TMEM217: variants seen among roughly 807,000 people sequenced by gnomAD.
TMEM217 encodes the protein chromosome 6 open reading frame 128.
For synonymous variants in TMEM217, 76 were observed against 88.3 expected (o/e 0.86, Z 0.78); for missense variants, 204 against 248.8 (o/e 0.82, Z 1.21).
intron 1 of TMEM217, among the ~76,000 whole-genome samples, chr6:37,255,686 A>T (rs1765678755): frequency 6.6e-6 from 1 of 151,108 alleles, no homozygotes; most frequent in Admixed American, 6.6e-5. Flanking sequence ...CTGGTCTCAA[A>T]AAAAAAAAAA....
intron 1 of TMEM217, among the ~76,000 whole-genome samples, chr6:37,252,637 ATTTTTT>A (rs374265453): frequency 0.073 from 5,153 of 70,802 alleles, 141 homozygotes; most frequent in Middle Eastern, 0.14. Flanking sequence ...ATATATATAT[ATTTTTT>A]TTTTTTTTTT....
chr6:37,222,758 C>G (rs1460716583), intron 1 of TMEM217, among the ~76,000 whole-genome samples: 1 of 152,208 alleles, frequency 6.6e-6, no homozygotes, highest in African/African-American at 2.4e-5. Flanking sequence ...GAGGTGGGGT[C>G]TACGGCTTTG....
At chr6:37,254,828 C>T (rs1270117773) in intron 1 of TMEM217, among the ~76,000 whole-genome samples, 1 of 152,036 alleles carries the variant, frequency 6.6e-6, no homozygotes, top group Admixed American at 6.6e-5. Flanking sequence ...GCACCTGGGA[C>T]CAGTTTCAGG....
intron 1 of TMEM217, among the ~76,000 whole-genome samples, chr6:37,253,430 C>A (rs1280638097): frequency 6.6e-6 from 1 of 152,126 alleles, no homozygotes; most frequent in African/African-American, 2.4e-5. Flanking sequence ...TAAAAACTTT[C>A]TCTTCCTCTC....
chr6:37,218,067 GA>G lies in TMEM217; in HGVS notation c.*354del, dbSNP rs986278766. The G allele has an allele frequency of 3.7e-4, 373 of 1,004,852 alleles. 1 individual carries two copies. In the African/African-American group the frequency reaches 5.7e-3, roughly 15 times the overall value. 62.2% of individuals were successfully genotyped at this position (1,004,852 alleles called of 1,614,324 possible). The stretch of plus-strand genomic sequence containing the variant: ...CAGAACTGCTAAGCAAAAGTGGGGG[GA>G]AAAAAGGAAATAGAACTACCCTGGG... On this transcript the variant is annotated 3_prime_UTR_variant, in exon 2 of 2. Coordinates refer to ENST00000357219, the Ensembl canonical transcript of TMEM217.
chr6:37,212,408 G>T (rs539295671), exon 4 of TMEM217: 2 of 401,370 alleles, frequency 5.0e-6, no homozygotes, highest in South Asian at 3.7e-5. Context: ...CTGGCATCTG[G>T]CATGGTTCAG....
chr6:37,228,821 C>T (rs1002503182), intron 1 of TMEM217, among the ~76,000 whole-genome samples: 2 of 151,576 alleles, frequency 1.3e-5, no homozygotes, highest in African/African-American at 4.9e-5. Flanking sequence ...CACGGTGAAA[C>T]CCCGTCTCTA....
chr6:37,215,589 A>AG (rs1395138604), downstream of TMEM217, among the ~76,000 whole-genome samples: 1 of 150,478 alleles, frequency 6.6e-6, no homozygotes, highest in African/African-American at 2.4e-5. Context: ...AAAAAAAAAA[A>AG]AAAAAAAAAA....
intron 1 of TMEM217, among the ~76,000 whole-genome samples, chr6:37,256,011 A>G (rs6926402): frequency 0.032 from 4,875 of 152,310 alleles, 248 homozygotes; most frequent in African/African-American, 0.11. Context: ...AACATTTCAT[A>G]GAAGATTAAG....
chr6:37,252,637 ATTTTTTTT>A (rs374265453), intron 1 of TMEM217, among the ~76,000 whole-genome samples: 3,268 of 71,218 alleles, frequency 0.046, 148 homozygotes, highest in African/African-American at 0.15. Flanking sequence ...ATATATATAT[ATTTTTTTT>A]TTTTTTTTTT....
intron 1 of TMEM217, among the ~76,000 whole-genome samples, chr6:37,234,915 C>A (rs1764411141): frequency 6.6e-6 from 1 of 151,972 alleles, no homozygotes; most frequent in Admixed American, 6.6e-5. Context: ...ATATTACACA[C>A]CCATGCACAA....
At chr6:37,235,131 CATT>C (rs1764430147) in intron 1 of TMEM217, among the ~76,000 whole-genome samples, 2 of 152,094 alleles carry the variant, frequency 1.3e-5, no homozygotes, top group South Asian at 4.1e-4. Context: ...GAGCTAAAAA[CATT>C]ATCATGAGAA....
At chr6:37,256,878 C>CA (rs1458493251) in intron 1 of TMEM217, among the ~76,000 whole-genome samples, 3 of 151,996 alleles carry the variant, frequency 2.0e-5, no homozygotes, top group Non-Finnish European at 4.4e-5. Flanking sequence ...TCAAAACCAG[C>CA]AAAAAACGCT....
At position 37,235,020 on chromosome 6, in the gene TMEM217, G is replaced by T. The variant is rs181960983; in HGVS notation, c.-11-15979C>A. On this transcript the variant is annotated intron_variant, in intron 1 of 1. Coordinates refer to ENST00000357219, the Ensembl canonical transcript of TMEM217. ...AAATCCCACTGGCTACCCTTATGCT[G>T]GTGTGGCTTTTTAAAAAACACAGTA... Among the ~76,000 whole-genome samples the T allele has an allele frequency of 2.0e-4, 30 of 152,264 alleles. No individual in the cohort carries two copies. In the East Asian group the frequency reaches 5.4e-3, roughly 27 times the overall value.
intron 1 of TMEM217, among the ~76,000 whole-genome samples, chr6:37,233,573 A>T (rs1764327996): frequency 6.6e-6 from 1 of 152,154 alleles, no homozygotes; most frequent in Non-Finnish European, 1.5e-5. Context: ...CGCCCTCATG[A>T]CTTAATCATT....
At chr6:37,230,322 GC>G (rs903481813) in intron 1 of TMEM217, among the ~76,000 whole-genome samples, 16 of 152,184 alleles carry the variant, frequency 1.1e-4, no homozygotes, top group African/African-American at 3.9e-4. Context: ...AGTCCCTTTT[GC>G]GTACTCACAG....
chr6:37,234,848 A>C (rs1251362941), intron 1 of TMEM217, among the ~76,000 whole-genome samples: 1 of 152,216 alleles, frequency 6.6e-6, no homozygotes, highest in African/African-American at 2.4e-5. Flanking sequence ...AAGTATGAAT[A>C]GGGATAGGGA....
exon 2 of TMEM217, chr6:37,218,106 C>T (rs1763317092): frequency 9.6e-7 from 1 of 1,036,514 alleles, no homozygotes; most frequent in African/African-American, 1.7e-5. Context: ...TCTGAGAGAC[C>T]TACCTCTTAT....
chr6:37,230,557 A>G (rs1764140594), intron 1 of TMEM217, among the ~76,000 whole-genome samples: 1 of 152,206 alleles, frequency 6.6e-6, no homozygotes, highest in Non-Finnish European at 1.5e-5. Flanking sequence ...GGACACAGAC[A>G]CACAGAGAGG....
Sources: allele counts gnomAD v4.1 joint callset (sites outside exome capture counted in the v4.1 genomes callset), GRCh38; gene constraint gnomAD v4.1.1; transcripts MANE v1.5; gene names NCBI Gene and HGNC (gene_info 2026-07-23, HGNC 2026-07-21).